PDE8B: variants seen among roughly 807,000 people sequenced by gnomAD.
The protein encoded by PDE8B is high affinity cAMP-specific and IBMX-insensitive 3',5'-cyclic phosphodiesterase 8B.
In PDE8B, 26 loss-of-function variants were observed where a neutral mutation model predicts 101.3. That is an observed-to-expected ratio of 0.26 (90% CI 0.19 to 0.36). The LOEUF is 0.36. PDE8B is among the 10% of genes least tolerant of loss of function. The pLI is 1.00. For synonymous variants in PDE8B, 424 were observed against 429.3 expected (o/e 0.99, Z 0.15); for missense variants, 810 against 1,163.1 (o/e 0.70, Z 4.42).
intron 10 of PDE8B, among the ~76,000 whole-genome samples, chr5:77,392,555 T>G (rs1790161722): frequency 6.6e-6 from 1 of 152,156 alleles, no homozygotes; most frequent in African/African-American, 2.4e-5. Context: ...AGGTATGTGC[T>G]TTTACCCAAG....
the PDE8B span, among the ~76,000 whole-genome samples, chr5:77,123,944 C>T: frequency 6.6e-6 from 1 of 152,122 alleles, no homozygotes; most frequent in Non-Finnish European, 1.5e-5. Flanking sequence ...TGAATACACA[C>T]GACATTCAGT....
At chr5:77,210,533 C>A (rs1466849988), upstream of PDE8B, 15 of 795,918 alleles carry the variant, frequency 1.9e-5, no homozygotes, top group South Asian at 5.4e-5. This position sits in a 1 kb window ranked among gnomAD's most constrained non-coding sequence, Gnocchi z 4.9. Flanking sequence ...CGCCCTGGCC[C>A]AGGGCCGCGG....
intron 1 of PDE8B, among the ~76,000 whole-genome samples, chr5:77,213,388 T>G (rs753259761): frequency 2.0e-5 from 3 of 152,230 alleles, no homozygotes; most frequent in Non-Finnish European, 4.4e-5. Flanking sequence ...CCAGAGTTAT[T>G]TATGCAAATC....
chr5:77,149,089 T>C, the PDE8B span, among the ~76,000 whole-genome samples: 4 of 152,206 alleles, frequency 2.6e-5, no homozygotes, highest in Admixed American at 6.5e-5. Context: ...CATGTGGATG[T>C]ACAATGGTTC....
chr5:77,143,859 A>ATTTTTT, the PDE8B span: 2 of 115,200 alleles, frequency 1.7e-5, no homozygotes, highest in African/African-American at 6.6e-5. Context: ...TTCTTGAGGG[A>ATTTTTT]TTTTTTTTTT....
chr5:77,422,097 C>T, intron 20 of PDE8B, 109 bp downstream of exon 20: 4 of 1,182,814 alleles, frequency 3.4e-6, no homozygotes, highest in Non-Finnish European at 4.9e-6. Flanking sequence ...ATTAGTTAAC[C>T]ACTCCTCCCT....
chr5:77,165,682 A>T, the PDE8B span, among the ~76,000 whole-genome samples: 1 of 152,230 alleles, frequency 6.6e-6, no homozygotes, highest in East Asian at 1.9e-4. Flanking sequence ...GGGAAGGATT[A>T]TAGGAAGGGA....
At chr5:77,295,993 T>C (rs894338645) in intron 1 of PDE8B, among the ~76,000 whole-genome samples, 2 of 152,192 alleles carry the variant, frequency 1.3e-5, no homozygotes, top group African/African-American at 2.4e-5. Context: ...AGCAAAATCC[T>C]GGGATAAACT....
intron 1 of PDE8B, among the ~76,000 whole-genome samples, chr5:77,248,891 C>A (rs993639176): frequency 6.6e-6 from 1 of 152,190 alleles, no homozygotes; most frequent in Non-Finnish European, 1.5e-5. Context: ...AAGCTACTCC[C>A]CACTCCCTGC....
chr5:77,347,237 G>T (rs1268793437), intron 7 of PDE8B, among the ~76,000 whole-genome samples: 1 of 152,200 alleles, frequency 6.6e-6, no homozygotes, highest in African/African-American at 2.4e-5. Context: ...TGTGAGTCAG[G>T]TATCACTATT....
At chr5:77,313,588 A>G (rs1175523450) in intron 2 of PDE8B, among the ~76,000 whole-genome samples, 1 of 152,234 alleles carries the variant, frequency 6.6e-6, no homozygotes, top group African/African-American at 2.4e-5. Context: ...GTCCTATGCT[A>G]CACTGGCAAT....
At chr5:77,403,726 A>C (rs546826191) in intron 11 of PDE8B, among the ~76,000 whole-genome samples, 1 of 152,112 alleles carries the variant, frequency 6.6e-6, no homozygotes, top group Non-Finnish European at 1.5e-5. Context: ...TGCTATAGCT[A>C]TGGTGTTCAG....
In PDE8B at chr5:77,427,155, A is replaced by G. The variant is rs1798294129; in HGVS notation, c.*601A>G. 1.3e-5 allele frequency: 2 copies of G among 155,374 alleles called. No individual in the cohort carries two copies. The highest frequency in any genetic ancestry group is 2.9e-5 in the Non-Finnish European group (2 of 70,002). The allele number at this position is 155,374 out of a possible 1,614,324, so 9.6% of individuals were successfully genotyped here. A position where few individuals can be genotyped will look rare whatever the true frequency, so the allele number is the denominator to read the frequency against. Reference sequence around the variant, plus strand: ...TCTTCTGGCCGATGGTATGACACCTAAGTTAGAACACAGCCTTGGCTGGTG... The same window carrying G: ...TCTTCTGGCCGATGGTATGACACCTGAGTTAGAACACAGCCTTGGCTGGTG... On this transcript the variant is annotated 3_prime_UTR_variant, in exon 22 of 22. Coordinates refer to ENST00000264917, the MANE Select transcript of PDE8B (RefSeq NM_003719.5).
the PDE8B span, among the ~76,000 whole-genome samples, chr5:77,135,473 A>ATTTT: frequency 1.9e-4 from 23 of 121,516 alleles, no homozygotes; most frequent in African/African-American, 4.9e-4. Flanking sequence ...AGCCAGAGGA[A>ATTTT]TTTTTTTTTT....
At chr5:77,151,585 C>T in the PDE8B span, among the ~76,000 whole-genome samples, 1 of 152,182 alleles carries the variant, frequency 6.6e-6, no homozygotes, top group Non-Finnish European at 1.5e-5. Flanking sequence ...CAGGCATGTG[C>T]ACATATTCTT....
chr5:77,107,182 G>A, the PDE8B span, among the ~76,000 whole-genome samples: 2 of 152,118 alleles, frequency 1.3e-5, no homozygotes, highest in African/African-American at 4.8e-5. Flanking sequence ...ATAGTTTGCT[G>A]AGAATGATGG....
chr5:77,401,095 T>C (rs1218931351), intron 11 of PDE8B, among the ~76,000 whole-genome samples: 2 of 152,148 alleles, frequency 1.3e-5, no homozygotes, highest in Non-Finnish European at 2.9e-5. Context: ...GTAAAATGAA[T>C]TAACAAAAGC....
At chr5:77,120,507 G>A in the PDE8B span, among the ~76,000 whole-genome samples, 1 of 152,286 alleles carries the variant, frequency 6.6e-6, no homozygotes, top group East Asian at 1.9e-4. Flanking sequence ...TATCTGAAAA[G>A]TACTTTGAAA....
the PDE8B span, chr5:77,146,293 G>A: frequency 2.6e-5 from 4 of 152,210 alleles, no homozygotes; most frequent in Admixed American, 2.6e-4. Flanking sequence ...GAGGCCAAAA[G>A]GGTGAACTGA....
Sources: allele counts gnomAD v4.1 joint callset (sites outside exome capture counted in the v4.1 genomes callset), GRCh38; gene constraint gnomAD v4.1.1; non-coding constraint Gnocchi (gnomAD v3.1); transcripts MANE v1.5; gene names NCBI Gene and HGNC (gene_info 2026-07-23, HGNC 2026-07-21).